The following KCNMA1 variants were observed in gnomAD, a reference collection of about 807,000 sequenced individuals.
The protein encoded by KCNMA1 is Calcium-activated potassium channel subunit alpha-1.
A neutral mutation model predicts 140.0 loss-of-function variants in KCNMA1; 29 were observed. The ratio of observed to expected loss-of-function variants is 0.21; its 90% CI spans 0.15 to 0.28. KCNMA1 has a LOEUF of 0.28. Ranked by LOEUF, KCNMA1 falls within the 10% of genes least tolerant of loss-of-function variation. KCNMA1 has a pLI of 1.00. For missense variants in KCNMA1, 880 were observed against 1,602.2 expected (o/e 0.55, Z 7.70); for synonymous variants, 612 against 611.9 (o/e 1.00, Z 0.00).
intron 2 of KCNMA1, among the ~76,000 whole-genome samples, chr10:77,273,509 T>G (rs931259386): frequency 1.5e-4 from 23 of 152,204 alleles, no homozygotes; most frequent in Admixed American, 1.1e-3. Context: ...ATAAAAAATT[T>G]TATAGCAACC....
chr10:77,372,986 A>T (rs907900095), intron 2 of KCNMA1: 3 of 152,244 alleles, frequency 2.0e-5, no homozygotes, highest in African/African-American at 7.2e-5. Context: ...CTACCAACTA[A>T]ATAGCCAGAT....
intron 1 of KCNMA1, among the ~76,000 whole-genome samples, chr10:77,568,569 C>T (rs1273411212): frequency 6.0e-5 from 9 of 151,174 alleles, no homozygotes; most frequent in Non-Finnish European, 8.8e-5. Context: ...AAATTAGGTA[C>T]TGATGGGACG....
intron 2 of KCNMA1, among the ~76,000 whole-genome samples, chr10:77,281,305 C>T (rs1290304476): frequency 6.6e-6 from 1 of 152,168 alleles, no homozygotes; most frequent in Non-Finnish European, 1.5e-5. Context: ...AAAGTACTCT[C>T]CCCTCTGGCT....
intron 2 of KCNMA1, among the ~76,000 whole-genome samples, chr10:77,311,719 A>G (rs2079358485): frequency 6.6e-6 from 1 of 152,184 alleles, no homozygotes; most frequent in African/African-American, 2.4e-5. Flanking sequence ...CTGGCCAGTG[A>G]TTGGGAATGG....
intron 3 of KCNMA1, among the ~76,000 whole-genome samples, chr10:77,234,774 C>T (rs551882719): frequency 6.6e-6 from 1 of 152,328 alleles, no homozygotes; most frequent in South Asian, 2.1e-4. Flanking sequence ...GTTAATTTCT[C>T]ACTCAAGTTC....
chr10:76,937,131 C>T (rs933185936), intron 23 of KCNMA1, among the ~76,000 whole-genome samples: 4 of 152,210 alleles, frequency 2.6e-5, no homozygotes, highest in African/African-American at 9.6e-5. Flanking sequence ...GGATAGGAGG[C>T]TCGCTGCATT....
intron 16 of KCNMA1, among the ~76,000 whole-genome samples, chr10:77,022,116 A>G (rs1052167014): frequency 2.0e-5 from 3 of 152,144 alleles, no homozygotes; most frequent in Non-Finnish European, 2.9e-5. Context: ...AGGAACACAT[A>G]AATTTTTCCA....
intron 1 of KCNMA1, among the ~76,000 whole-genome samples, chr10:77,490,705 T>A (rs1030787964): frequency 3.9e-5 from 6 of 152,312 alleles, no homozygotes; most frequent in Non-Finnish European, 8.8e-5. Context: ...CTGCCTGTGC[T>A]CTTTCCAACA....
intron 3 of KCNMA1, among the ~76,000 whole-genome samples, chr10:77,232,619 T>C (rs2053983044): frequency 1.3e-5 from 2 of 152,226 alleles, no homozygotes; most frequent in Admixed American, 1.3e-4. Context: ...TTTCACTTTC[T>C]TTGTAATGTC....
chr10:76,945,001 G>A, intron 22 of KCNMA1, 36 bp from the exon 23 acceptor site: 1 of 1,563,444 alleles, frequency 6.4e-7, no homozygotes, highest in Non-Finnish European at 8.8e-7. Flanking sequence ...AACAGAGATG[G>A]GGGGAGAAAG....
At chr10:77,401,213 A>T (rs2096253408) in intron 2 of KCNMA1, among the ~76,000 whole-genome samples, 1 of 151,038 alleles carries the variant, frequency 6.6e-6, no homozygotes, top group Non-Finnish European at 1.5e-5. Flanking sequence ...CAGTGGGGCG[A>T]TCTCAGCAGA....
At chr10:76,909,373 A>G (rs2049133985) in intron 25 of KCNMA1, among the ~76,000 whole-genome samples, 1 of 152,150 alleles carries the variant, frequency 6.6e-6, no homozygotes, top group Non-Finnish European at 1.5e-5. Flanking sequence ...TACAACAGCC[A>G]AGGCAATCCC....
Position 77,208,174 on chromosome 10 carries a change from G to A in KCNMA1, c.603-23258C>T, listed in dbSNP as rs533466937. Reference sequence around the variant, plus strand: ...TTATTTGTTCTGGTGGATTTTTGTAGATGAGAATGAATATTTGGGCTACAA... The same window carrying A: ...TTATTTGTTCTGGTGGATTTTTGTAAATGAGAATGAATATTTGGGCTACAA... On this transcript the variant is annotated intron_variant, in intron 3 of 27. Coordinates refer to ENST00000286628, the MANE Select transcript of KCNMA1 (RefSeq NM_001161352.2). 7.9e-5 allele frequency among the ~76,000 whole-genome samples: 12 copies of A among 152,354 alleles called. No individual in the cohort carries two copies. The South Asian group carries it at 2.5e-3, about 32-fold the overall frequency.
At position 77,276,232 on chromosome 10, in the gene KCNMA1, G is replaced by A. The variant is rs367771280; in HGVS notation, c.541-24976C>T. Among the ~76,000 whole-genome samples the A allele has an allele frequency of 3.9e-5, 6 of 152,266 alleles. No individual in the cohort carries two copies. The East Asian group carries it at 1.2e-3, about 29-fold the overall frequency. On this transcript the variant is annotated intron_variant, in intron 2 of 27. Transcript: ENST00000286628. ...TCCTCAGGAGCTGAGACCATCCTTC[G>A]TCTACCTTCTAGCATTGTGTCTCCA...
At chr10:77,199,916 T>C (rs528557590) in intron 3 of KCNMA1, among the ~76,000 whole-genome samples, 1 of 152,242 alleles carries the variant, frequency 6.6e-6, no homozygotes, top group Admixed American at 6.5e-5. Context: ...CTATAGGAAA[T>C]AGGGAGCTGA....
intron 23 of KCNMA1, among the ~76,000 whole-genome samples, chr10:76,935,997 G>A (rs1054138892): frequency 7.9e-5 from 12 of 152,132 alleles, no homozygotes; most frequent in African/African-American, 2.9e-4. Flanking sequence ...GTTTTTCCTT[G>A]TTTCTCTTGC....
intron 3 of KCNMA1, among the ~76,000 whole-genome samples, chr10:77,208,469 G>A (rs2044881863): frequency 6.6e-6 from 1 of 152,164 alleles, no homozygotes; most frequent in African/African-American, 2.4e-5. Context: ...GGGCAACATA[G>A]CAAGACCTTG....
intron 1 of KCNMA1, among the ~76,000 whole-genome samples, chr10:77,568,469 A>G (rs1227521313): frequency 1.3e-5 from 2 of 152,160 alleles, no homozygotes; most frequent in South Asian, 2.1e-4. Flanking sequence ...TATAAACAGA[A>G]CCAAAGACAA....
chr10:77,358,718 C>T (rs148033142), intron 2 of KCNMA1, among the ~76,000 whole-genome samples: 4 of 152,290 alleles, frequency 2.6e-5, no homozygotes, highest in African/African-American at 7.2e-5. Flanking sequence ...CTGCTAAGAC[C>T]CACAGGGTGG....
Sources: allele counts gnomAD v4.1 joint callset (sites outside exome capture counted in the v4.1 genomes callset), GRCh38; gene constraint gnomAD v4.1.1; transcripts MANE v1.5; gene names NCBI Gene and HGNC (gene_info 2026-07-23, HGNC 2026-07-21).